ZNF503: variants seen among roughly 807,000 people sequenced by gnomAD.
ZNF503 encodes the protein zinc finger protein 503.
ZNF503 carries 15 observed loss-of-function variants against 34.4 expected under a neutral mutation model. The observed-to-expected ratio is 0.44, with a 90% confidence interval of 0.29 to 0.67. The LOEUF is 0.67. Among genes scored for constraint, ZNF503 ranks in the 30% least tolerant of loss-of-function variants. ZNF503 has a pLI of 0.13. For missense variants in ZNF503, 1,007 were observed against 926.8 expected (o/e 1.09, Z -1.12); for synonymous variants, 580 against 456.8 (o/e 1.27, Z -3.44).
chr10:75,307,798 C>T, the ZNF503 span, among the ~76,000 whole-genome samples: 1 of 152,114 alleles, frequency 6.6e-6, no homozygotes. Context: ...TTATGGTAGG[C>T]CAGGCATGGT....
chr10:75,381,805 CTTT>C, the ZNF503 span, among the ~76,000 whole-genome samples: 82 of 38,608 alleles, frequency 2.1e-3, no homozygotes, highest in African/African-American at 6.9e-3. Context: ...GAACCTAATT[CTTT>C]TTTTTTTTTT....
At chr10:75,294,038 G>A in the ZNF503 span, among the ~76,000 whole-genome samples, 1 of 152,212 alleles carries the variant, frequency 6.6e-6, no homozygotes, top group Non-Finnish European at 1.5e-5. Context: ...CAAGGACGCA[G>A]TAGAGGCTCA....
the ZNF503 span, among the ~76,000 whole-genome samples, chr10:75,281,088 G>A: frequency 6.6e-6 from 1 of 152,142 alleles, no homozygotes; most frequent in African/African-American, 2.4e-5. Flanking sequence ...AGAATGCATT[G>A]AAACTGAAAG....
At chr10:75,352,736 C>T in the ZNF503 span, among the ~76,000 whole-genome samples, 1 of 152,214 alleles carries the variant, frequency 6.6e-6, no homozygotes, top group East Asian at 1.9e-4. Flanking sequence ...AGTCAAGGTC[C>T]TTTAATAACT....
chr10:75,329,423 C>CT, the ZNF503 span, among the ~76,000 whole-genome samples: 1,949 of 79,966 alleles, frequency 0.024, 35 homozygotes, highest in African/African-American at 0.048. Flanking sequence ...CCTTTCCTTC[C>CT]TTCCTTCCTT....
the ZNF503 span, among the ~76,000 whole-genome samples, chr10:75,329,415 T>TTTCCTTCC: frequency 1.4e-4 from 13 of 90,460 alleles, no homozygotes; most frequent in East Asian, 4.0e-3. Flanking sequence ...CCTTCCTTCC[T>TTTCCTTCC]TTCCTTCCTT....
At chr10:75,368,242 C>T in the ZNF503 span, among the ~76,000 whole-genome samples, 76,024 of 151,998 alleles carry the variant, frequency 0.5, 20,347 homozygotes, top group South Asian at 0.63. Context: ...AAGTGGTATG[C>T]CCCAAAAGCA....
chr10:75,342,192 G>C, the ZNF503 span, among the ~76,000 whole-genome samples: 1 of 151,994 alleles, frequency 6.6e-6, no homozygotes, highest in African/African-American at 2.4e-5. Flanking sequence ...GGGTGGGGTG[G>C]GCCAGGCTAC....
chr10:75,395,511 C>T (rs1843686744), downstream of ZNF503, among the ~76,000 whole-genome samples: 1 of 152,142 alleles, frequency 6.6e-6, no homozygotes, highest in South Asian at 2.1e-4. This position sits in a 1 kb window ranked among gnomAD's most constrained non-coding sequence, Gnocchi z 4.4. Flanking sequence ...ACGCGGCGCT[C>T]CGCCCGGGCT....
rs756486206 is a variant in ZNF503 at position 75,399,379 on chromosome 10, G to A, written c.1311C>T (p.Cys437=). 1.2e-5 allele frequency: 19 copies of A among 1,606,312 alleles called. No individual in the cohort carries two copies. In the East Asian group the frequency reaches 2.0e-4, roughly 17 times the overall value. ...CRDPYCLSYH[C]ASHLAGAAAA... ...CCGCCGCCCCTGCCAGGTGGCTAGCGCAGTGGTAGCTGAGGCAGTAAGGGT... is the reference window on the plus strand; with the variant it reads ...CCGCCGCCCCTGCCAGGTGGCTAGCACAGTGGTAGCTGAGGCAGTAAGGGT... The change falls in exon 2 of 2, where the codon TGC becomes TGT. Residue 437 remains cysteine (C), a synonymous_variant. Transcript: ENST00000372524.
At chr10:75,378,565 C>T in the ZNF503 span, among the ~76,000 whole-genome samples, 3 of 152,134 alleles carry the variant, frequency 2.0e-5, no homozygotes, top group African/African-American at 7.2e-5. Context: ...CTGTGGCAGC[C>T]CTCCATCCAT....
the ZNF503 span, chr10:75,283,218 C>G: frequency 2.6e-5 from 4 of 152,252 alleles, no homozygotes; most frequent in African/African-American, 7.2e-5. Flanking sequence ...AGAAGCAGGG[C>G]TCCTTGAGGA....
downstream of ZNF503, among the ~76,000 whole-genome samples, chr10:75,396,189 C>G (rs1365594700): frequency 6.6e-6 from 1 of 152,172 alleles, no homozygotes; most frequent in African/African-American, 2.4e-5. The surrounding 1 kb of genome is among the most constrained non-coding windows in gnomAD (Gnocchi z 4.4). Flanking sequence ...GACAAGCCCG[C>G]CGGCCAGGAT....
chr10:75,345,952 G>A, the ZNF503 span, among the ~76,000 whole-genome samples: 1 of 152,250 alleles, frequency 6.6e-6, no homozygotes, highest in African/African-American at 2.4e-5. Flanking sequence ...TCACTTGCTG[G>A]TGGATATGGA....
chr10:75,303,686 C>T, the ZNF503 span, among the ~76,000 whole-genome samples: 1 of 152,178 alleles, frequency 6.6e-6, no homozygotes, highest in Non-Finnish European at 1.5e-5. Flanking sequence ...TGCATTTAAG[C>T]AGTATTTGAT....
the ZNF503 span, among the ~76,000 whole-genome samples, chr10:75,390,949 G>T: frequency 6.6e-6 from 1 of 152,134 alleles, no homozygotes; most frequent in Admixed American, 6.5e-5. Context: ...TTCTTACATG[G>T]CCTGTCTTCT....
chr10:75,294,248 C>A, the ZNF503 span, among the ~76,000 whole-genome samples: 573 of 152,238 alleles, frequency 3.8e-3, 2 homozygotes, highest in Middle Eastern at 0.014. Flanking sequence ...TCAGACAGAC[C>A]AGACATCAGA....
chr10:75,370,070 A>ATAAG, the ZNF503 span, among the ~76,000 whole-genome samples: 2 of 149,174 alleles, frequency 1.3e-5, no homozygotes, highest in Non-Finnish European at 3.0e-5. Flanking sequence ...AAATAAATAA[A>ATAAG]TAAATAAATA....
chr10:75,297,023 A>C, the ZNF503 span, among the ~76,000 whole-genome samples: 26 of 152,130 alleles, frequency 1.7e-4, no homozygotes, highest in Non-Finnish European at 3.5e-4. Context: ...CTCCAGCCTT[A>C]TCTCTCACTT....
Sources: gnomAD v4.1 joint callset for allele counts (sites outside exome capture counted in the v4.1 genomes callset) on GRCh38, gnomAD v4.1.1 for gene constraint, Gnocchi (gnomAD v3.1) non-coding constraint, MANE v1.5 for transcripts, NCBI Gene and HGNC (gene_info 2026-07-23, HGNC 2026-07-21) for gene names.